LAMA1: variants seen among roughly 807,000 people sequenced by gnomAD.
The protein encoded by LAMA1 is laminin subunit alpha 1, also known as laminin subunit alpha-1.
In LAMA1, 219 loss-of-function variants were observed where a neutral mutation model predicts 348.7. The observed-to-expected ratio is 0.63, with a 90% CI of 0.56 to 0.70. The LOEUF (loss-of-function observed/expected upper bound fraction) is 0.70, where lower values mean the gene tolerates loss of function less well. Ranked by LOEUF, LAMA1 falls within the 30% of genes least tolerant of loss-of-function variation. LAMA1 has a pLI of 0.00. For missense variants in LAMA1, 3,744 were observed against 3,888.0 expected, an observed-to-expected ratio of 0.96 and a Z score of 0.99; for synonymous variants, 1,487 against 1,491.0, an observed-to-expected ratio of 1.00 and a Z score of 0.06.
At chr18:7,107,262 G>A (rs2058315915) in intron 1 of LAMA1, among the ~76,000 whole-genome samples, 1 of 151,876 alleles carries the variant, frequency 6.6e-6, no homozygotes, top group Non-Finnish European at 1.5e-5. Context: ...AGGACTACAG[G>A]CACCCGCCAC....
intron 53 of LAMA1, chr18:6,960,838 C>T (rs1470154273): frequency 6.6e-6 from 1 of 152,346 alleles, no homozygotes; most frequent in Non-Finnish European, 1.5e-5. Context: ...ACTAGGCTCT[C>T]TCAGCACATT....
rs963735042 is a variant in LAMA1, at chr18:6,961,623, T to A, written c.7589A>T (p.Asp2530Val). 5.6e-6 allele frequency: 9 copies of A among 1,613,076 alleles called. No homozygotes were observed. The highest frequency in any genetic ancestry group is 2.2e-5 in the East Asian group (1 of 44,840). The change falls in exon 53 of 63, where the codon GAT becomes GTT. Residue 2530 changes from aspartate to valine, a missense_variant. Physicochemically the swap from Asp to Val is radical, Grantham distance 152. This residue lies in a region of LAMA1 where 1,983 missense variants were observed against 1,934.3 expected (regional missense o/e 1.03). Transcript: ENST00000389658. The part of the protein sequence containing the change: ...SGIILAALGG[D>V]VEKRGDREEA... Reference sequence around the variant, plus strand: ...CTCACGATCACCCCGCTTCTCCACATCCCCGCCGAGGGCAGCCAGGATGAT... The same window carrying A: ...CTCACGATCACCCCGCTTCTCCACAACCCCGCCGAGGGCAGCCAGGATGAT...
At chr18:6,998,723 G>GA (rs1032041813) in intron 32 of LAMA1, among the ~76,000 whole-genome samples, 5 of 152,188 alleles carry the variant, frequency 3.3e-5, no homozygotes, top group Admixed American at 3.3e-4. Context: ...ATCAGAACTG[G>GA]AAAAAAAGTT....
intron 25 of LAMA1, 120 bp downstream of exon 25, chr18:7,011,180 A>T: frequency 4.4e-6 from 5 of 1,137,988 alleles, no homozygotes; most frequent in Non-Finnish European, 6.4e-6. Context: ...ATCCCACTTA[A>T]AAGAGGAAAT....
chr18:6,965,391 C>T lies in LAMA1; in HGVS notation c.7092G>A (p.Lys2364=). ...GTCCTGAACCCAGGTCAGTCATAACCTTCACTCTGCCACGAAACAGCTCGA... is the reference window on the plus strand; with the variant it reads ...GTCCTGAACCCAGGTCAGTCATAACTTTCACTCTGCCACGAAACAGCTCGA... ...LSIELFRGRV[K]VMTDLGSGPI... The change falls in exon 50 of 63, where the codon AAG becomes AAA. Residue 2364 remains lysine, a synonymous_variant. Transcript: ENST00000389658. The T allele has an allele frequency of 1.2e-6, 2 of 1,614,134 alleles. No homozygotes were observed. The highest frequency in any genetic ancestry group is 1.3e-5 in the African/African-American group (1 of 75,034).
chr18:7,050,589 ATAGT>A lies in LAMA1; in HGVS notation c.588+101_588+104del. ...TCAAGGCCACTTTAAATAGAGCTAG[ATAGT>A]TATATTAAAGATCTTTGTATTGAGA... On this transcript the variant is annotated intron_variant, in intron 4 of 62. Coordinates refer to ENST00000389658, the MANE Select transcript of LAMA1 (RefSeq NM_005559.4). The A allele has an allele frequency of 1.3e-5, 20 of 1,502,282 alleles. No individual in the cohort carries two copies. The South Asian group carries it at 2.3e-4, about 17-fold the overall frequency. 93.1% of individuals were successfully genotyped at this position (1,502,282 alleles called of 1,614,324 possible). A position where few individuals can be genotyped will look rare whatever the true frequency, so the allele number is the denominator to read the frequency against.
intron 11 of LAMA1, among the ~76,000 whole-genome samples, chr18:7,038,175 G>A (rs1190533266): frequency 6.6e-6 from 1 of 152,010 alleles, no homozygotes; most frequent in African/African-American, 2.4e-5. Context: ...CTCCCAATGC[G>A]TCACCGACAT....
rs201736890 is a variant in LAMA1 at position 6,975,046 on chromosome 18, G to A, written c.6490-10C>T. On this transcript the variant is annotated splice_polypyrimidine_tract_variant and intron_variant, in intron 45 of 62. Coordinates refer to ENST00000389658, the MANE Select transcript of LAMA1 (RefSeq NM_005559.4). ...CTGCAAGGAAATCAGACTGGGGGGC[G>A]AGGAATGAACGGGGATCAGTTTACA... The A allele has an allele frequency of 9.6e-5, 155 of 1,612,896 alleles. 1 individual carries two copies. Among genetic ancestry groups the A allele is most frequent in the Non-Finnish European group, 1.3e-4 (149 of 1,179,448 alleles).
At chr18:7,076,572 A>T (rs1037106943) in intron 3 of LAMA1, among the ~76,000 whole-genome samples, 3 of 151,766 alleles carry the variant, frequency 2.0e-5, no homozygotes, top group Non-Finnish European at 4.4e-5. Flanking sequence ...ATTCAATAGC[A>T]TTTTTTTTAA....
intron 1 of LAMA1, among the ~76,000 whole-genome samples, chr18:7,105,690 T>C (rs559778451): frequency 4.6e-5 from 7 of 152,246 alleles, no homozygotes; most frequent in Admixed American, 3.9e-4. Flanking sequence ...AATGCCTGAA[T>C]ATGGAGGACA....
chr18:7,098,615 A>G (rs1263606417), intron 1 of LAMA1, among the ~76,000 whole-genome samples: 1 of 143,426 alleles, frequency 7.0e-6, no homozygotes, highest in Non-Finnish European at 1.5e-5. Context: ...CTGCCCGGCA[A>G]CCGCCCCGTC....
At chr18:6,994,317 G>A (rs1346744464) in intron 34 of LAMA1, among the ~76,000 whole-genome samples, 1 of 152,198 alleles carries the variant, frequency 6.6e-6, no homozygotes, top group African/African-American at 2.4e-5. Context: ...CCCAGAGGCT[G>A]ACACTTAGCT....
At chr18:7,025,919 G>T in intron 17 of LAMA1, 60 bp downstream of exon 17, 1 of 1,565,304 alleles carries the variant, frequency 6.4e-7, no homozygotes, top group African/African-American at 1.3e-5. Context: ...TCATTAGTAC[G>T]CATCTGGGTG....
At chr18:6,977,988 A>G (rs544452164) in intron 43 of LAMA1, 107 bp from the exon 44 acceptor site, 13 of 1,330,430 alleles carry the variant, frequency 9.8e-6, no homozygotes, top group Middle Eastern at 1.8e-4. Flanking sequence ...CACCCTAACA[A>G]TCAAAGCCAT....
chr18:7,016,731 A>G, intron 20 of LAMA1, 60 bp from the exon 21 acceptor site: 1 of 1,417,466 alleles, frequency 7.1e-7, no homozygotes. Context: ...ATGACTCCTC[A>G]TATTAGTATG....
intron 12 of LAMA1, 47 bp downstream of exon 12, chr18:7,037,531 C>T (rs867357702): frequency 3.7e-6 from 6 of 1,603,544 alleles, no homozygotes; most frequent in Middle Eastern, 1.9e-4. Flanking sequence ...CTCAGTGTTC[C>T]CTGAGATCTT....
At chr18:6,979,197 G>GA (rs890513862) in intron 42 of LAMA1, among the ~76,000 whole-genome samples, 28 of 149,448 alleles carry the variant, frequency 1.9e-4, no homozygotes, top group Middle Eastern at 6.8e-3. Context: ...AAAAGAAAAG[G>GA]AAAAAAAAAA....
At chr18:7,105,786 A>G (rs551652071) in intron 1 of LAMA1, among the ~76,000 whole-genome samples, 61 of 152,312 alleles carry the variant, frequency 4.0e-4, no homozygotes, top group African/African-American at 1.5e-3. Context: ...GCAACACCAG[A>G]CTTTATCCCA....
At chr18:7,020,365 A>C (rs1206452252) in intron 19 of LAMA1, among the ~76,000 whole-genome samples, 1 of 152,146 alleles carries the variant, frequency 6.6e-6, no homozygotes, top group African/African-American at 2.4e-5. Flanking sequence ...ACTGGGTTGA[A>C]CTATACGCGC....
Sources: allele counts gnomAD v4.1 joint callset (sites outside exome capture counted in the v4.1 genomes callset), GRCh38; gene constraint gnomAD v4.1.1; regional missense constraint gnomAD v4.1.1; transcripts MANE v1.5; gene names NCBI Gene and HGNC (gene_info 2026-07-23, HGNC 2026-07-21).